The following IRAK2 variants were observed in gnomAD, a reference collection of about 807,000 sequenced individuals.
IRAK2 encodes interleukin-1 receptor-associated kinase-like 2.
Under a neutral mutation model 72.0 loss-of-function variants are expected in IRAK2, and 57 were observed. That is an observed-to-expected ratio of 0.79 (90% CI 0.64 to 0.99). The LOEUF is 0.99. IRAK2 is among the 50% of genes least tolerant of loss of function. IRAK2 has a pLI of 0.00. For synonymous variants in IRAK2, 293 were observed against 312.7 expected (o/e 0.94, Z 0.67); for missense variants, 790 against 794.4 (o/e 0.99, Z 0.07).
At chr3:10,233,243 G>A (rs1697884171) in intron 10 of IRAK2, among the ~76,000 whole-genome samples, 1 of 152,018 alleles carries the variant, frequency 6.6e-6, no homozygotes, top group Non-Finnish European at 1.5e-5. Flanking sequence ...GTAGCGACGA[G>A]GTTTCACCGT....
At chr3:10,197,409 A>G (rs1697286144) in intron 2 of IRAK2, among the ~76,000 whole-genome samples, 1 of 151,722 alleles carries the variant, frequency 6.6e-6, no homozygotes, top group African/African-American at 2.4e-5. Flanking sequence ...GAAAAAGAAA[A>G]AGAAAACTAA....
At chr3:10,184,471 A>G (rs1043546652) in intron 2 of IRAK2, among the ~76,000 whole-genome samples, 6 of 152,096 alleles carry the variant, frequency 3.9e-5, no homozygotes, top group Admixed American at 3.3e-4. Context: ...CAAATCTGGT[A>G]TGTGTGGGTG....
intron 3 of IRAK2, among the ~76,000 whole-genome samples, chr3:10,203,198 T>A (rs373997399): frequency 6.6e-6 from 1 of 152,084 alleles, no homozygotes; most frequent in East Asian, 1.9e-4. Flanking sequence ...GGTTTCGCTG[T>A]GTTGCACAGG....
intron 10 of IRAK2, 139 bp from the exon 11 acceptor site, chr3:10,234,319 TG>T: frequency 1.5e-6 from 1 of 669,538 alleles, no homozygotes; most frequent in Non-Finnish European, 2.7e-6. Context: ...TACTTCTTTC[TG>T]GAATCCTTGC....
intron 12 of IRAK2, 92 bp downstream of exon 12, chr3:10,239,131 C>T (rs940530586): frequency 8.4e-7 from 1 of 1,195,376 alleles, no homozygotes; most frequent in Non-Finnish European, 1.1e-6. Context: ...TCATTCACTC[C>T]TTCATTTGGT....
Position 10,234,465 on chromosome 3 carries a change from T to A in IRAK2, c.1279T>A (p.Leu427Ile). 1 of 1,614,016 alleles carries A rather than the reference T, an allele frequency of 6.2e-7. No homozygotes were observed. Among genetic ancestry groups the A allele is most frequent in the Non-Finnish European group, 8.5e-7 (1 of 1,179,902 alleles). ...NNRSPVYLKDLLLSDIPSSTA... is the reference protein window; with the variant it reads ...NNRSPVYLKDILLSDIPSSTA... The stretch of plus-strand genomic sequence containing the variant: ...TCTACCCTTCTTCCCACAGAAGGAC[T>A]TACTCCTCAGTGATATTCCAAGCAG... Residue 427 changes from leucine (L) to isoleucine (I), a missense_variant, in exon 11 of 13, where the codon TTA (leucine) becomes ATA (isoleucine). Transcript: ENST00000256458.
Position 10,243,107 on chromosome 3 carries a change from TCA to T in IRAK2, c.*881_*882del, listed in dbSNP as rs1287970810. ...TGGAGTGCAGTGGCACGATCTCAGCTCACTGCAAGCTCTGCCTCTCAGGTTCA... is the reference window on the plus strand; with the variant it reads ...TGGAGTGCAGTGGCACGATCTCAGCTCTGCAAGCTCTGCCTCTCAGGTTCA... On this transcript the variant is annotated 3_prime_UTR_variant, in exon 13 of 13. Coordinates refer to ENST00000256458, the MANE Select transcript of IRAK2 (RefSeq NM_001570.4). 1 of 152,350 alleles carries T rather than the reference TCA, an allele frequency of 6.6e-6. No homozygotes were observed. The highest frequency in any genetic ancestry group is 1.5e-5 in the Non-Finnish European group (1 of 68,156). The allele number at this position is 152,350 out of a possible 1,614,324, so 9.4% of individuals were successfully genotyped here.
At chr3:10,237,927 C>CTG (rs1491258718) in intron 11 of IRAK2, among the ~76,000 whole-genome samples, 7 of 89,862 alleles carry the variant, frequency 7.8e-5, no homozygotes, top group Admixed American at 2.5e-4. Context: ...TGTATGTGTG[C>CTG]TCTGTGTGTG....
chr3:10,236,435 C>T (rs190480132), intron 11 of IRAK2, among the ~76,000 whole-genome samples: 1 of 149,602 alleles, frequency 6.7e-6, no homozygotes, highest in African/African-American at 2.5e-5. Context: ...GCAACCTCCA[C>T]TTTCCAGGTT....
Position 10,240,787 on chromosome 3 carries a change from A to G in IRAK2, c.1766-1329A>G, listed in dbSNP as rs1698046376. Among the ~76,000 whole-genome samples the G allele has an allele frequency of 4.0e-5, 6 of 151,082 alleles. No individual in the cohort carries two copies. The South Asian group carries it at 1.3e-3, about 32-fold the overall frequency. On this transcript the variant is annotated intron_variant, in intron 12 of 12. Coordinates refer to ENST00000256458, the MANE Select transcript of IRAK2 (RefSeq NM_001570.4). ...TTGGTCAGGCTGGTCTTGAACTCCC[A>G]ACCTCAGGTGATCCGCCCACCTCGG...
At chr3:10,168,733 G>A (rs1696744251) in intron 1 of IRAK2, among the ~76,000 whole-genome samples, 1 of 152,156 alleles carries the variant, frequency 6.6e-6, no homozygotes, top group Non-Finnish European at 1.5e-5. Context: ...CATCTGCCCA[G>A]TGCTGGCCTC....
chr3:10,165,805 G>A (rs997689623), intron 1 of IRAK2, among the ~76,000 whole-genome samples: 63 of 140,160 alleles, frequency 4.5e-4, no homozygotes, highest in Admixed American at 8.5e-4. Flanking sequence ...ATCTAGGCTC[G>A]TTGCAAGCTC....
In IRAK2 at chr3:10,202,416, G is replaced by A. The variant is rs567578016; in HGVS notation, c.424+1901G>A. On this transcript the variant is annotated intron_variant, in intron 3 of 12. Transcript: ENST00000256458. Reference sequence around the variant, plus strand: ...AGGCGGGTGGATCACGAGGTCAGGAGATCAATACCATCCTGGCTAACACGG... The same window carrying A: ...AGGCGGGTGGATCACGAGGTCAGGAAATCAATACCATCCTGGCTAACACGG... 1.3e-3 allele frequency among the ~76,000 whole-genome samples: 203 copies of A among 152,262 alleles called. 1 individual carries two copies. Among genetic ancestry groups the A allele is most frequent in the African/African-American group, 4.0e-3 (167 of 41,538 alleles).
intron 6 of IRAK2, among the ~76,000 whole-genome samples, chr3:10,214,838 T>C (rs1252199542): frequency 6.6e-6 from 1 of 152,018 alleles, no homozygotes; most frequent in Non-Finnish European, 1.5e-5. Flanking sequence ...CTCGCACCTA[T>C]AATCCCAGCA....
chr3:10,177,103 CTTTG>C lies in IRAK2; in HGVS notation c.95-731_95-728del, dbSNP rs1385684487. On this transcript the variant is annotated intron_variant, in intron 1 of 12. Coordinates refer to ENST00000256458, the MANE Select transcript of IRAK2 (RefSeq NM_001570.4). ...GGTGTGAGCCACCATGCCCGGCCTACTTTGTTTATTTTTTGTAGAGACAGGGTCT... is the reference window on the plus strand; with the variant it reads ...GGTGTGAGCCACCATGCCCGGCCTACTTTATTTTTTGTAGAGACAGGGTCT... 9.9e-5 allele frequency among the ~76,000 whole-genome samples: 15 copies of C among 152,118 alleles called. No homozygotes were observed. In the East Asian group the frequency reaches 2.5e-3, roughly 26 times the overall value.
chr3:10,172,513 G>A lies in IRAK2; in HGVS notation c.95-5325G>A, dbSNP rs147862846. The stretch of plus-strand genomic sequence containing the variant: ...ACATGTGCCATTGCACTCCAGCCTG[G>A]GCAACAAGAGTAAAACTCCGACTCA... On this transcript the variant is annotated intron_variant, in intron 1 of 12. Coordinates refer to ENST00000256458, the MANE Select transcript of IRAK2 (RefSeq NM_001570.4). 6.0e-3 allele frequency among the ~76,000 whole-genome samples: 795 copies of A among 133,360 alleles called. 14 individuals are homozygous for A. Among genetic ancestry groups the A allele is most frequent in the African/African-American group, 0.021 (762 of 36,848 alleles). 87.5% of individuals were successfully genotyped at this position (133,360 alleles called of 152,430 possible).
intron 2 of IRAK2, among the ~76,000 whole-genome samples, chr3:10,193,315 G>C (rs1697205320): frequency 6.6e-6 from 1 of 151,956 alleles, no homozygotes; most frequent in Admixed American, 6.6e-5. Context: ...CGGATATCCA[G>C]ATTCCAGGCT....
At chr3:10,221,858 C>G (rs775679391) in intron 8 of IRAK2, among the ~76,000 whole-genome samples, 2 of 151,948 alleles carry the variant, frequency 1.3e-5, no homozygotes, top group Non-Finnish European at 2.9e-5. Flanking sequence ...TGTGGCTTAG[C>G]TTTTTCCCAT....
rs369739340 is a variant in IRAK2 at position 10,227,353 on chromosome 3, C to T, written c.1272+920C>T. Among the ~76,000 whole-genome samples the T allele has an allele frequency of 1.5e-4, 23 of 152,080 alleles. No individual in the cohort carries two copies. The East Asian group carries it at 4.5e-3, about 30-fold the overall frequency. ...ATCCCAGCTACTTGGGAGGCTGAGG[C>T]AGGAGAATCGCTTGAACCCAGGAGA... On this transcript the variant is annotated intron_variant, in intron 10 of 12. Transcript: ENST00000256458.
Sources: allele counts gnomAD v4.1 joint callset (sites outside exome capture counted in the v4.1 genomes callset), GRCh38; gene constraint gnomAD v4.1.1; transcripts MANE v1.5; gene names NCBI Gene and HGNC (gene_info 2026-07-23, HGNC 2026-07-21).